Variants in SYT6 observed in about 807,000 individuals in gnomAD.
SYT6 encodes the protein synaptotagmin-6.
Under a neutral mutation model 38.4 loss-of-function variants are expected in SYT6, and 24 were observed. The observed-to-expected ratio is 0.62, with a 90% CI of 0.45 to 0.88. The LOEUF (loss-of-function observed/expected upper bound fraction) is 0.88, where lower values mean the gene tolerates loss of function less well. Among genes scored for constraint, SYT6 ranks in the 40% least tolerant of loss-of-function variants. The pLI is 0.00. For synonymous variants in SYT6, 265 were observed against 241.9 expected (o/e 1.10, Z -0.89); for missense variants, 611 against 621.0 (o/e 0.98, Z 0.17).
At chr1:114,115,886 C>T (rs960666156) in intron 3 of SYT6, among the ~76,000 whole-genome samples, 1 of 152,182 alleles carries the variant, frequency 6.6e-6, no homozygotes, top group Non-Finnish European at 1.5e-5. Context: ...CTCTTCTCCT[C>T]CATCCCACCC....
intron 6 of SYT6, among the ~76,000 whole-genome samples, chr1:114,097,260 G>A (rs1389454969): frequency 2.0e-5 from 3 of 152,250 alleles, no homozygotes; most frequent in Non-Finnish European, 4.4e-5. Context: ...ACATTCATAA[G>A]AGGAGGAATC....
chr1:114,123,403 G>A (rs1355094098), intron 3 of SYT6, among the ~76,000 whole-genome samples: 1 of 152,142 alleles, frequency 6.6e-6, no homozygotes, highest in Admixed American at 6.5e-5. Flanking sequence ...AAGAGCCCCA[G>A]GCCAGTGCTG....
chr1:114,100,501 C>T (rs925075823), intron 4 of SYT6, among the ~76,000 whole-genome samples: 15 of 152,228 alleles, frequency 9.9e-5, no homozygotes, highest in African/African-American at 3.6e-4. Context: ...TCAGAAACTC[C>T]AAGCCTGAAA....
At chr1:114,110,914 A>C (rs891380830) in intron 3 of SYT6, among the ~76,000 whole-genome samples, 2 of 152,076 alleles carry the variant, frequency 1.3e-5, no homozygotes, top group Non-Finnish European at 1.5e-5. Context: ...TCCTGCTCAG[A>C]ATTCTTCAGT....
Position 114,124,318 on chromosome 1 carries a change from G to A in SYT6, c.1071+13177C>T, listed in dbSNP as rs549733269. On this transcript the variant is annotated intron_variant, in intron 3 of 7. Coordinates refer to ENST00000610222, the MANE Select transcript of SYT6 (RefSeq NM_001253772.2). ...GGCCAGTTATTCAGTTAGAAATCTT[G>A]TTGGGTTTTAAATGTGAGAAGATGG... 9.9e-4 allele frequency among the ~76,000 whole-genome samples: 151 copies of A among 152,320 alleles called. 5 individuals carry two copies. The highest frequency in any genetic ancestry group is 6.5e-4 in the African/African-American group (27 of 41,568).
At chr1:114,151,910 ACCAC>A (rs1247924054) in intron 1 of SYT6, among the ~76,000 whole-genome samples, 1 of 152,094 alleles carries the variant, frequency 6.6e-6, no homozygotes, top group Non-Finnish European at 1.5e-5. Flanking sequence ...CCATCTCTGT[ACCAC>A]CCTCTAAAAG....
intron 6 of SYT6, among the ~76,000 whole-genome samples, chr1:114,096,013 T>C (rs1675619564): frequency 6.6e-6 from 1 of 152,108 alleles, no homozygotes; most frequent in South Asian, 2.1e-4. Context: ...TTAGCTCTCA[T>C]TCCATGCCCT....
At chr1:114,108,208 C>G (rs1475778528) in intron 3 of SYT6, among the ~76,000 whole-genome samples, 1 of 152,182 alleles carries the variant, frequency 6.6e-6, no homozygotes, top group Non-Finnish European at 1.5e-5. Context: ...TAGTAGCATT[C>G]TCCTTGGCTG....
At chr1:114,149,130 G>A (rs1260703351) in intron 1 of SYT6, among the ~76,000 whole-genome samples, 1 of 145,784 alleles carries the variant, frequency 6.9e-6, no homozygotes, top group African/African-American at 2.6e-5. Context: ...GACACTTCAG[G>A]TTGCCCACCA....
intron 1 of SYT6, among the ~76,000 whole-genome samples, chr1:114,146,184 G>C (rs182889514): frequency 6.6e-6 from 1 of 152,354 alleles, no homozygotes; most frequent in Admixed American, 6.5e-5. Flanking sequence ...GTCTTCACAG[G>C]AGATGCAAGG....
At chr1:114,113,545 C>T (rs986832088) in intron 3 of SYT6, among the ~76,000 whole-genome samples, 1 of 152,170 alleles carries the variant, frequency 6.6e-6, no homozygotes, top group Non-Finnish European at 1.5e-5. Flanking sequence ...TCTAATTTTC[C>T]CCAACCTGGC....
chr1:114,094,934 A>C (rs781307087), intron 6 of SYT6, among the ~76,000 whole-genome samples: 1 of 152,228 alleles, frequency 6.6e-6, no homozygotes, highest in Non-Finnish European at 1.5e-5. Context: ...GTGCTTACTT[A>C]ATGTCAGCCC....
intron 3 of SYT6, among the ~76,000 whole-genome samples, chr1:114,129,576 C>A (rs904568928): frequency 1.0e-5 from 1 of 97,794 alleles, no homozygotes; most frequent in Non-Finnish European, 2.1e-5. Flanking sequence ...TTCTTTCTTT[C>A]TTTCTTTCTT....
intron 1 of SYT6, among the ~76,000 whole-genome samples, chr1:114,148,854 G>C (rs796264320): frequency 3.3e-5 from 5 of 152,270 alleles, no homozygotes; most frequent in African/African-American, 1.2e-4. Context: ...TTAAGGAGAA[G>C]AGCTGGGATT....
rs143885525 is a variant in SYT6, at chr1:114,138,425, C to T, written c.513-372G>A. 3.1e-3 allele frequency among the ~76,000 whole-genome samples: 472 copies of T among 152,236 alleles called. 1 individual carries two copies. Among genetic ancestry groups the T allele is most frequent in the Non-Finnish European group, 5.3e-3 (362 of 68,022 alleles). ...AGATTCCTTAAGAGAAGGACCATCC[C>T]TTCTTATCCTCAATGTGGCACCCAC... On this transcript the variant is annotated intron_variant, in intron 2 of 7. Coordinates refer to ENST00000610222, the MANE Select transcript of SYT6 (RefSeq NM_001253772.2).
chr1:114,097,739 T>C lies in SYT6; in HGVS notation c.1503A>G (p.Lys501=). The change falls in exon 6 of 8, where the codon AAA becomes AAG. Residue 501 remains lysine (K), a synonymous_variant. Transcript: ENST00000610222. ...AHWHSLVEVK[K]SFKEGNPRL is the part of the protein sequence containing the mutation. ...TGACCTCACCCACCTCTTTGAAGGATTTCTTTACCTCCACCAAGGAGTGCC... is the reference window on the plus strand; with the variant it reads ...TGACCTCACCCACCTCTTTGAAGGACTTCTTTACCTCCACCAAGGAGTGCC... 5.6e-6 allele frequency: 9 copies of C among 1,614,126 alleles called. No homozygotes were observed. The highest frequency in any genetic ancestry group is 7.6e-6 in the Non-Finnish European group (9 of 1,179,990).
intron 1 of SYT6, among the ~76,000 whole-genome samples, chr1:114,149,376 G>A (rs555986995): frequency 6.6e-6 from 1 of 151,912 alleles, no homozygotes; most frequent in South Asian, 2.1e-4. Flanking sequence ...GGGGAGCAGA[G>A]GGCTTTTGCT....
At chr1:114,129,616 C>CTTTCTTTCCTTTCTTTCTTTCTTT (rs767321115) in intron 3 of SYT6, among the ~76,000 whole-genome samples, 1 of 58,912 alleles carries the variant, frequency 1.7e-5, no homozygotes, top group African/African-American at 5.4e-5. Flanking sequence ...TTCTTTCTTT[C>CTTTCTTTCCTTTCTTTCTTTCTTT]CTTTCTTTCT....
At chr1:114,148,874 G>C (rs1042369063) in intron 1 of SYT6, among the ~76,000 whole-genome samples, 1 of 152,126 alleles carries the variant, frequency 6.6e-6, no homozygotes, top group African/African-American at 2.4e-5. Flanking sequence ...TTGAACCTAG[G>C]ACTTGCTGAT....
Sources: allele counts gnomAD v4.1 joint callset (sites outside exome capture counted in the v4.1 genomes callset), GRCh38; gene constraint gnomAD v4.1.1; transcripts MANE v1.5; gene names NCBI Gene and HGNC (gene_info 2026-07-23, HGNC 2026-07-21).